COL13A1: variants seen among roughly 807,000 people sequenced by gnomAD.
COL13A1 encodes collagen type XIII alpha 1 chain, also known as collagen alpha-1(XIII) chain.
Under a neutral mutation model 130.9 loss-of-function variants are expected in COL13A1, and 89 were observed. The observed-to-expected ratio is 0.68, with a 90% confidence interval of 0.57 to 0.81. The LOEUF (loss-of-function observed/expected upper bound fraction) is 0.81. COL13A1 is among the 30% of genes least tolerant of loss of function. COL13A1 has a pLI of 0.00. For missense variants in COL13A1, 879 were observed against 934.6 expected (o/e 0.94, Z 0.78); for synonymous variants, 402 against 341.6 (o/e 1.18, Z -1.95).
chr10:69,956,691 T>A (rs12249289), intron 39 of COL13A1: 3,248 of 306,888 alleles, frequency 0.011, 98 homozygotes, highest in African/African-American at 0.062. Context: ...CGGCACTCCA[T>A]AGGGCCACAG....
chr10:69,877,683 T>A (rs59784014), intron 5 of COL13A1: 13,786 of 108,826 alleles, frequency 0.13, 673 homozygotes, highest in Admixed American at 0.23. Context: ...TGTCTCTCTC[T>A]CTCTCTCTCT....
At chr10:69,804,556 G>A (rs1278667001) in intron 1 of COL13A1, among the ~76,000 whole-genome samples, 1 of 151,966 alleles carries the variant, frequency 6.6e-6, no homozygotes. Flanking sequence ...TTTCAGATGG[G>A]GAAGTTGAGC....
intron 2 of COL13A1, among the ~76,000 whole-genome samples, chr10:69,831,361 C>T (rs1458629579): frequency 6.6e-6 from 1 of 152,236 alleles, no homozygotes; most frequent in Non-Finnish European, 1.5e-5. Flanking sequence ...CGCCCTTGCT[C>T]TTCCTCTGCC....
intron 38 of COL13A1, among the ~76,000 whole-genome samples, chr10:69,949,618 G>A (rs1873456): frequency 0.4 from 60,144 of 151,990 alleles, 12,046 homozygotes; most frequent in South Asian, 0.48. Flanking sequence ...GCAAAGGCCC[G>A]GAGCCCCAGA....
intron 1 of COL13A1, among the ~76,000 whole-genome samples, chr10:69,808,863 C>T (rs868055678): frequency 2.0e-5 from 3 of 152,224 alleles, no homozygotes; most frequent in Admixed American, 1.3e-4. Context: ...CAGCAATAGG[C>T]TCAGCATTTG....
chr10:69,853,890 C>T (rs1174203465), intron 2 of COL13A1, among the ~76,000 whole-genome samples: 2 of 152,190 alleles, frequency 1.3e-5, no homozygotes, highest in Admixed American at 1.3e-4. Context: ...AAAATGGAAA[C>T]AGTTGAGAGT....
At chr10:69,864,924 G>A (rs1193837954) in intron 2 of COL13A1, among the ~76,000 whole-genome samples, 2 of 152,188 alleles carry the variant, frequency 1.3e-5, no homozygotes, top group Non-Finnish European at 2.9e-5. Context: ...CCCACCTGAG[G>A]GGGCTGGGAC....
chr10:69,892,615 C>T (rs982776801), intron 10 of COL13A1, among the ~76,000 whole-genome samples: 1 of 152,198 alleles, frequency 6.6e-6, no homozygotes, highest in Admixed American at 6.5e-5. Context: ...AGCAGACAGG[C>T]GCCTTAGCTA....
At chr10:69,900,910 T>C (rs1420486594) in intron 14 of COL13A1, among the ~76,000 whole-genome samples, 2 of 152,342 alleles carry the variant, frequency 1.3e-5, no homozygotes, top group African/African-American at 4.8e-5. Flanking sequence ...TGTGACGTTA[T>C]GAAGATTCTA....
chr10:69,842,202 T>G (rs978627304), intron 2 of COL13A1, among the ~76,000 whole-genome samples: 1 of 152,188 alleles, frequency 6.6e-6, no homozygotes, highest in Non-Finnish European at 1.5e-5. Context: ...TCTCGTGAGA[T>G]CTGAAGCTTT....
chr10:69,876,859 C>T (rs2059619282), intron 5 of COL13A1, among the ~76,000 whole-genome samples: 1 of 152,166 alleles, frequency 6.6e-6, no homozygotes, highest in Non-Finnish European at 1.5e-5. Context: ...GCTTCAGGAG[C>T]CTCTCCCCTG....
intron 2 of COL13A1, among the ~76,000 whole-genome samples, chr10:69,857,674 G>C (rs1856815584): frequency 6.6e-6 from 1 of 152,100 alleles, no homozygotes; most frequent in Non-Finnish European, 1.5e-5. Flanking sequence ...TGCCAAAAAG[G>C]TTAGGGACTG....
chr10:69,916,979 A>G (rs2063998561), intron 17 of COL13A1, among the ~76,000 whole-genome samples: 1 of 152,186 alleles, frequency 6.6e-6, no homozygotes, highest in Admixed American at 6.5e-5. Context: ...AGTTCCAGGT[A>G]CAGCTCAACC....
At chr10:69,956,909 T>C in intron 39 of COL13A1, 95 bp from the exon 40 acceptor site, 2 of 926,386 alleles carry the variant, frequency 2.2e-6, no homozygotes, top group South Asian at 2.7e-5. Flanking sequence ...CCTGATCAGC[T>C]GCCAAAATGC....
Position 69,917,336 on chromosome 10 carries a change from A to G in COL13A1, c.966+3A>G, listed in dbSNP as rs565204528. ...TGCCAGGCAAGCATGGAGCCAAGGT[A>G]CCTCCCCCTTCCCCACATCCCAGGC... On this transcript the variant is annotated splice_donor_region_variant and intron_variant, in intron 18 of 40. Coordinates refer to ENST00000645393, the MANE Select transcript of COL13A1 (RefSeq NM_001368882.1). 1.9e-6 allele frequency: 3 copies of G among 1,611,976 alleles called. No homozygotes were observed. Among genetic ancestry groups the G allele is most frequent in the South Asian group, 1.1e-5 (1 of 90,820 alleles).
At chr10:69,893,165 A>C (rs1285606596) in intron 10 of COL13A1, among the ~76,000 whole-genome samples, 2 of 152,262 alleles carry the variant, frequency 1.3e-5, no homozygotes, top group Non-Finnish European at 2.9e-5. Context: ...AGCCTGGGCA[A>C]CATGGCAAAA....
At chr10:69,954,257 G>C (rs1296758059) in intron 39 of COL13A1, among the ~76,000 whole-genome samples, 1 of 152,180 alleles carries the variant, frequency 6.6e-6, no homozygotes, top group Non-Finnish European at 1.5e-5. Flanking sequence ...ATGTTTCCTG[G>C]CTTCCTGCTG....
At chr10:69,949,351 T>G (rs541076009) in intron 38 of COL13A1, among the ~76,000 whole-genome samples, 115 of 152,180 alleles carry the variant, frequency 7.6e-4, no homozygotes, top group African/African-American at 2.7e-3. Flanking sequence ...CCCGGCTAAT[T>G]TTTTGTATTT....
chr10:69,902,672 G>A (rs2062320887), intron 14 of COL13A1, 76 bp from the exon 15 acceptor site: 9 of 1,225,796 alleles, frequency 7.3e-6, no homozygotes, highest in Non-Finnish European at 1.0e-5. Context: ...CCTTCACTGG[G>A]TGCATGGCCT....
Sources: gnomAD v4.1 joint callset for allele counts (sites outside exome capture counted in the v4.1 genomes callset) on GRCh38, gnomAD v4.1.1 for gene constraint, MANE v1.5 for transcripts, NCBI Gene and HGNC (gene_info 2026-07-23, HGNC 2026-07-21) for gene names.